ZNF354A: variants seen among roughly 807,000 people sequenced by gnomAD.
ZNF354A encodes zinc finger protein 354A.
A neutral mutation model predicts 53.3 loss-of-function variants in ZNF354A; 25 were observed. That is an observed-to-expected ratio of 0.47 (90% CI 0.34 to 0.66). The LOEUF (loss-of-function observed/expected upper bound fraction) is 0.66, where lower values mean the gene tolerates loss of function less well. Ranked by LOEUF, ZNF354A falls within the 30% of genes least tolerant of loss-of-function variation. The pLI, the probability that ZNF354A is intolerant of heterozygous loss-of-function variation, is 0.01. For missense variants in ZNF354A, 586 were observed against 716.8 expected, an observed-to-expected ratio of 0.82 and a Z score of 2.08; for synonymous variants, 228 against 249.0, an observed-to-expected ratio of 0.92 and a Z score of 0.79.
In ZNF354A at chr5:178,713,113, T is replaced by C. The variant is rs780693912; in HGVS notation, c.765A>G (p.Ser255=). 6.2e-7 allele frequency: 1 copy of C among 1,613,882 alleles called. No individual in the cohort carries two copies. The highest frequency in any genetic ancestry group is 8.5e-7 in the Non-Finnish European group (1 of 1,179,904). ...GCGTTATTTGATGTTGAATAAGAGC[T>C]GAACTTTGGCTAAAGGCTTTTGAAC... ...KECSKAFSQS[S]ALIQHQITHT... Residue 255 remains serine (S), a synonymous_variant, in exon 5 of 5, where the codon TCA becomes TCG. Coordinates refer to ENST00000335815, the MANE Select transcript of ZNF354A (RefSeq NM_005649.3).
intron 4 of ZNF354A, among the ~76,000 whole-genome samples, chr5:178,724,192 C>T (rs1765862274): frequency 6.6e-6 from 1 of 152,032 alleles, no homozygotes; most frequent in Non-Finnish European, 1.5e-5. Flanking sequence ...TCCTGCCTCC[C>T]TCCATGACTG....
At chr5:178,723,277 G>GC (rs1765846236) in intron 4 of ZNF354A, among the ~76,000 whole-genome samples, 1 of 152,198 alleles carries the variant, frequency 6.6e-6, no homozygotes, top group African/African-American at 2.4e-5. Context: ...GGCATAAGGG[G>GC]CCATCACTGA....
intron 4 of ZNF354A, among the ~76,000 whole-genome samples, chr5:178,724,269 G>C (rs531500990): frequency 4.6e-5 from 7 of 151,330 alleles, no homozygotes; most frequent in African/African-American, 1.7e-4. Context: ...CTGTCGCCAA[G>C]GCTGGAGTGA....
intron 4 of ZNF354A, among the ~76,000 whole-genome samples, chr5:178,718,178 G>A (rs1765748941): frequency 6.6e-6 from 1 of 152,190 alleles, no homozygotes. Flanking sequence ...GCAGACGTAA[G>A]TTTTGGATTG....
intron 4 of ZNF354A, among the ~76,000 whole-genome samples, chr5:178,716,220 C>G (rs1341329051): frequency 1.3e-5 from 2 of 152,030 alleles, no homozygotes; most frequent in African/African-American, 4.8e-5. Context: ...CAATATTTTA[C>G]TATGTGGCAA....
Position 178,712,202 on chromosome 5 carries a change from A to T in ZNF354A, c.1676T>A (p.Phe559Tyr). The part of the protein sequence containing the change: ...PFKCNTCGKT[F>Y]RQSSSRIAHQ... ...TGCAATACGTGATGAGCTTTGTCTA[A>T]AAGTTTTTCCACATGTATTACATTT... The change falls in exon 5 of 5, where the codon TTT (phenylalanine) becomes TAT (tyrosine). Residue 559 changes from phenylalanine (F) to tyrosine (Y), a missense_variant. Phe to Tyr is a conservative substitution (Grantham distance 22). Around this residue, in one of 2 missense-constraint regions of ZNF354A, gnomAD observed 573 missense variants for 680.1 expected, o/e 0.84. Transcript: ENST00000335815. The T allele has an allele frequency of 6.2e-7, 1 of 1,614,122 alleles. No individual in the cohort carries two copies. The highest frequency in any genetic ancestry group is 1.1e-5 in the South Asian group (1 of 91,078).
Position 178,729,872 on chromosome 5 carries a change from G to GCTTCTTTTTT in ZNF354A, c.-52+683_-52+684insAAAAAAGAAG, listed in dbSNP as rs746292908. 3.6e-4 allele frequency among the ~76,000 whole-genome samples: 52 copies of GCTTCTTTTTT among 143,374 alleles called. 1 individual carries two copies. The highest frequency in any genetic ancestry group is 6.7e-4 in the South Asian group (3 of 4,468). 94.1% of individuals were successfully genotyped at this position (143,374 alleles called of 152,430 possible). ...CCATGTATCCCATTTCTAACACGATGTTTCTTTTTTGAGACGGAGTCTCGC... is the reference window on the plus strand; with the variant it reads ...CCATGTATCCCATTTCTAACACGATGCTTCTTTTTTTTTCTTTTTTGAGACGGAGTCTCGC... On this transcript the variant is annotated intron_variant, in intron 1 of 4. Transcript: ENST00000335815.
intron 4 of ZNF354A, among the ~76,000 whole-genome samples, chr5:178,719,129 T>C (rs1327399711): frequency 6.6e-6 from 1 of 152,220 alleles, no homozygotes; most frequent in East Asian, 1.9e-4. Flanking sequence ...ACAGAATTGG[T>C]CATGTTATTT....
intron 4 of ZNF354A, 139 bp from the exon 5 acceptor site, chr5:178,713,760 A>G: frequency 1.1e-6 from 1 of 925,874 alleles, no homozygotes; most frequent in Non-Finnish European, 1.5e-6. Context: ...TTGCAAAAAG[A>G]AAAAATAGGA....
chr5:178,729,704 G>A (rs1202744447), intron 1 of ZNF354A, among the ~76,000 whole-genome samples: 1 of 151,456 alleles, frequency 6.6e-6, no homozygotes, highest in South Asian at 2.1e-4. Context: ...GACTACAGGC[G>A]CCCGGCTCAT....
chr5:178,725,852 C>T (rs1765894324), intron 3 of ZNF354A, among the ~76,000 whole-genome samples: 1 of 152,070 alleles, frequency 6.6e-6, no homozygotes, highest in Admixed American at 6.6e-5. Context: ...CTATCTGACT[C>T]CGCTTTTTTT....
At chr5:178,725,772 T>C (rs1320243035) in intron 3 of ZNF354A, among the ~76,000 whole-genome samples, 5 of 152,226 alleles carry the variant, frequency 3.3e-5, no homozygotes, top group Non-Finnish European at 7.3e-5. Context: ...TACAGACTGA[T>C]TAGAATTTCT....
chr5:178,727,463 C>T (rs528124424), intron 2 of ZNF354A, among the ~76,000 whole-genome samples: 2 of 152,000 alleles, frequency 1.3e-5, no homozygotes, highest in African/African-American at 2.4e-5. Flanking sequence ...TCTATTTGTA[C>T]GATAATGAAC....
chr5:178,714,257 G>A (rs533636668), intron 4 of ZNF354A, among the ~76,000 whole-genome samples: 6 of 151,894 alleles, frequency 4.0e-5, no homozygotes, highest in African/African-American at 7.3e-5. Context: ...TACCCACCTC[G>A]GCCTCCCAAA....
chr5:178,723,496 A>G (rs1227344295), intron 4 of ZNF354A, among the ~76,000 whole-genome samples: 4 of 151,948 alleles, frequency 2.6e-5, no homozygotes, highest in African/African-American at 9.7e-5. Flanking sequence ...GCTTCTCTGG[A>G]CCTTCATGAA....
At chr5:178,714,424 C>T (rs1299972440) in intron 4 of ZNF354A, among the ~76,000 whole-genome samples, 1 of 152,118 alleles carries the variant, frequency 6.6e-6, no homozygotes, top group African/African-American at 2.4e-5. Context: ...AGCCACGGTC[C>T]CTTCTCCTTA....
In ZNF354A at chr5:178,717,197, G is replaced by A. The variant is rs116627748; in HGVS notation, c.257-3576C>T. ...GGACTGGAATTTAAGCCTACGGGAA[G>A]CCACTGGGGAATTATGTGTTCATTT... On this transcript the variant is annotated intron_variant, in intron 4 of 4. Coordinates refer to ENST00000335815, the MANE Select transcript of ZNF354A (RefSeq NM_005649.3). Among the ~76,000 whole-genome samples, 945 of 152,166 alleles carry A rather than the reference G, an allele frequency of 6.2e-3. 6 individuals are homozygous for A. Among genetic ancestry groups the A allele is most frequent in the African/African-American group, 0.021 (892 of 41,504 alleles).
chr5:178,730,006 G>A (rs957480111), intron 1 of ZNF354A, among the ~76,000 whole-genome samples: 5 of 152,000 alleles, frequency 3.3e-5, no homozygotes, highest in Admixed American at 2.0e-4. Flanking sequence ...TGGGACTACA[G>A]GCGCCCGCCA....
In ZNF354A at chr5:178,712,424, T is replaced by C. The variant is rs1317819744; in HGVS notation, c.1454A>G (p.Gln485Arg). The C allele has an allele frequency of 1.2e-6, 2 of 1,613,954 alleles. No individual in the cohort carries two copies. Among genetic ancestry groups the C allele is most frequent in the Admixed American group, 3.3e-5 (2 of 60,002 alleles). Residue 485 changes from glutamine (Q) to arginine (R), a missense_variant, in exon 5 of 5, where the codon CAG (glutamine) becomes CGG (arginine). This residue lies in a region of ZNF354A where 573 missense variants were observed against 680.1 expected (regional missense o/e 0.84). Transcript: ENST00000335815. ...GGGTCTTTCTCCAGTATGCATTCTC[T>C]GATGTTGAATGAGAGCTGAACTCTG... is the stretch of plus-strand genomic sequence containing the variant. ...FRQSSALIQH[Q>R]RMHTGERPYK...
Sources: gnomAD v4.1 joint callset for allele counts (sites outside exome capture counted in the v4.1 genomes callset) on GRCh38, gnomAD v4.1.1 for gene constraint, gnomAD v4.1.1 regional missense constraint, MANE v1.5 for transcripts, NCBI Gene and HGNC (gene_info 2026-07-23, HGNC 2026-07-21) for gene names.